RPTOR: variants seen among roughly 807,000 people sequenced by gnomAD.
RPTOR encodes the protein regulatory-associated protein of mTOR.
Under a neutral mutation model 169.9 loss-of-function variants are expected in RPTOR, and 21 were observed. The observed-to-expected ratio is 0.12, with a 90% CI of 0.09 to 0.18. RPTOR has a LOEUF of 0.18. Among genes scored for constraint, RPTOR ranks in the 10% least tolerant of loss-of-function variants. RPTOR has a pLI of 1.00. For missense variants in RPTOR, 1,133 were observed against 1,855.9 expected (o/e 0.61, Z 7.16); for synonymous variants, 732 against 753.2 (o/e 0.97, Z 0.46).
chr17:80,910,359 G>C (rs1472175670), intron 21 of RPTOR, among the ~76,000 whole-genome samples: 1 of 152,190 alleles, frequency 6.6e-6, no homozygotes, highest in East Asian at 1.9e-4. Context: ...TGGTTTTCTA[G>C]TTGCTTATGG....
At chr17:80,689,378 C>A (rs1032735381) in intron 3 of RPTOR, among the ~76,000 whole-genome samples, 7 of 152,240 alleles carry the variant, frequency 4.6e-5, no homozygotes, top group Non-Finnish European at 2.9e-5. Flanking sequence ...GAGGACGCCA[C>A]CTGCTCCCTG....
At chr17:80,796,580 C>T (rs1336785946) in intron 7 of RPTOR, among the ~76,000 whole-genome samples, 1 of 152,198 alleles carries the variant, frequency 6.6e-6, no homozygotes, top group Non-Finnish European at 1.5e-5. Flanking sequence ...TCACCTCCCA[C>T]CAGGTCCCCG....
chr17:80,562,085 G>A lies in RPTOR; in HGVS notation c.162+16294G>A, dbSNP rs545919669. On this transcript the variant is annotated intron_variant, in intron 1 of 33. Coordinates refer to ENST00000306801, the MANE Select transcript of RPTOR (RefSeq NM_020761.3). This position sits in a 1 kb window ranked among gnomAD's most constrained non-coding sequence, Gnocchi z 4.4. ...CTCTTGAGGGTAGGAGGAGATGAGG[G>A]TCTGGTGGCGGCTTGGGCTGGTAGT... 4.6e-5 allele frequency among the ~76,000 whole-genome samples: 7 copies of A among 152,206 alleles called. No homozygotes were observed. The highest frequency in any genetic ancestry group is 8.8e-5 in the Non-Finnish European group (6 of 68,010).
At chr17:80,892,969 G>C in intron 19 of RPTOR, 100 bp downstream of exon 19, 1 of 1,377,310 alleles carries the variant, frequency 7.3e-7, no homozygotes, top group Non-Finnish European at 9.9e-7. Flanking sequence ...CTGCCCCTTC[G>C]TCTAAGTGCG....
At chr17:80,950,037 G>A (rs2069153577) in intron 28 of RPTOR, among the ~76,000 whole-genome samples, 1 of 152,210 alleles carries the variant, frequency 6.6e-6, no homozygotes, top group South Asian at 2.1e-4. Context: ...GTACAGTTCT[G>A]CGTGTTGCCT....
chr17:80,812,616 G>A (rs1217704586), intron 7 of RPTOR, among the ~76,000 whole-genome samples: 1 of 152,124 alleles, frequency 6.6e-6, no homozygotes, highest in Non-Finnish European at 1.5e-5. Flanking sequence ...ATGCTTCCAA[G>A]AGAGGTGGCC....
intron 13 of RPTOR, among the ~76,000 whole-genome samples, chr17:80,877,289 TG>T (rs1338652798): frequency 6.6e-6 from 1 of 151,976 alleles, no homozygotes; most frequent in Admixed American, 6.5e-5. Flanking sequence ...GCGGGGAGGG[TG>T]GGGGCGGTTT....
rs1491534893 is a variant in RPTOR at position 80,891,690 on chromosome 17, ACT to A, written c.1984-29_1984-28del. On this transcript the variant is annotated intron_variant, in intron 17 of 33. Coordinates refer to ENST00000306801, the MANE Select transcript of RPTOR (RefSeq NM_020761.3). Reference sequence around the variant, plus strand: ...CCACAATCATTTTCCAGCCCCAGTGACTGTTATTGTCCCTTCTCCCTCTCGGC... The same window carrying A: ...CCACAATCATTTTCCAGCCCCAGTGAGTTATTGTCCCTTCTCCCTCTCGGC... 2.1e-6 allele frequency: 3 copies of A among 1,415,740 alleles called. No homozygotes were observed. The African/African-American group carries it at 4.3e-5, about 20-fold the overall frequency. The allele number at this position is 1,415,740 out of a possible 1,614,324, so 87.7% of individuals were successfully genotyped here. A position where few individuals can be genotyped will look rare whatever the true frequency, so the allele number is the denominator to read the frequency against.
In RPTOR at chr17:80,785,985, G is replaced by A. The variant is rs767159495; in HGVS notation, c.831-5465G>A. Among the ~76,000 whole-genome samples the A allele has an allele frequency of 2.6e-5, 4 of 152,144 alleles. No homozygotes were observed. In the South Asian group the frequency reaches 6.2e-4, roughly 24 times the overall value. ...CCTTGTTCAGGAGTTTTCATAGAGC[G>A]TCTGTCCATGGGGAGAGGAGTGGCT... On this transcript the variant is annotated intron_variant, in intron 6 of 33. Coordinates refer to ENST00000306801, the MANE Select transcript of RPTOR (RefSeq NM_020761.3).
chr17:80,829,716 C>G (rs905261168), intron 9 of RPTOR, among the ~76,000 whole-genome samples: 1 of 152,214 alleles, frequency 6.6e-6, no homozygotes, highest in Non-Finnish European at 1.5e-5. Context: ...GGATGCTTCC[C>G]CCACTCTTCT....
chr17:80,811,310 G>A (rs1015414565), intron 7 of RPTOR, among the ~76,000 whole-genome samples: 2 of 152,174 alleles, frequency 1.3e-5, no homozygotes, highest in African/African-American at 4.8e-5. Context: ...GTTGGAATTC[G>A]TCAGCGGCTT....
chr17:80,961,263 TG>T, intron 30 of RPTOR, 130 bp from the exon 31 acceptor site: 1 of 767,966 alleles, frequency 1.3e-6, no homozygotes, highest in Non-Finnish European at 2.1e-6. Context: ...TAGCCCCTCG[TG>T]GGGAGCGGAC....
intron 3 of RPTOR, among the ~76,000 whole-genome samples, chr17:80,650,648 G>T (rs1357675217): frequency 6.6e-6 from 1 of 152,224 alleles, no homozygotes; most frequent in Admixed American, 6.5e-5. Flanking sequence ...TTAATGGACA[G>T]AATAAAAGTA....
chr17:80,704,166 C>T (rs1335823590), intron 3 of RPTOR, among the ~76,000 whole-genome samples: 1 of 152,216 alleles, frequency 6.6e-6, no homozygotes. Flanking sequence ...TGTCTAGCTA[C>T]CTCTACTTCA....
intron 20 of RPTOR, among the ~76,000 whole-genome samples, chr17:80,897,403 C>T (rs1300097276): frequency 1.3e-5 from 2 of 152,204 alleles, no homozygotes; most frequent in African/African-American, 4.8e-5. Context: ...CTTTGGTTCA[C>T]TCTTTTTATG....
At position 80,936,976 on chromosome 17, in the gene RPTOR, G is replaced by T. The variant is rs1022511639; in HGVS notation, c.2920-3520G>T. Among the ~76,000 whole-genome samples the T allele has an allele frequency of 6.6e-6, 1 of 152,196 alleles. No individual in the cohort carries two copies. The highest frequency in any genetic ancestry group is 1.9e-4 in the East Asian group (1 of 5,194). The stretch of plus-strand genomic sequence containing the variant: ...CCTCTGTTGCCTGTGGACTCACGAC[G>T]CACACCACTACCTCTTCCGCCTCTT... On this transcript the variant is annotated intron_variant, in intron 24 of 33. Transcript: ENST00000306801. This position sits in a 1 kb window ranked among gnomAD's most constrained non-coding sequence, Gnocchi z 4.1.
intron 21 of RPTOR, chr17:80,909,829 G>A (rs2068591071): frequency 1.3e-5 from 2 of 152,152 alleles, no homozygotes; most frequent in Non-Finnish European, 2.9e-5. Context: ...CCATTTGATT[G>A]ATTGAGCTTT....
intron 1 of RPTOR, among the ~76,000 whole-genome samples, chr17:80,603,405 G>A (rs1003422314): frequency 2.0e-5 from 3 of 152,334 alleles, no homozygotes; most frequent in African/African-American, 4.8e-5. Context: ...GAAAGCACGC[G>A]TGTTTGACCC....
chr17:80,694,831 G>T (rs2066022863), intron 3 of RPTOR, among the ~76,000 whole-genome samples: 1 of 152,164 alleles, frequency 6.6e-6, no homozygotes, highest in Admixed American at 6.5e-5. Context: ...AGCCTCTCTG[G>T]CACTCATGGG....
Sources: allele counts gnomAD v4.1 joint callset (sites outside exome capture counted in the v4.1 genomes callset), GRCh38; gene constraint gnomAD v4.1.1; non-coding constraint Gnocchi (gnomAD v3.1); transcripts MANE v1.5; gene names NCBI Gene and HGNC (gene_info 2026-07-23, HGNC 2026-07-21).